Variants in PPP6R1 observed in about 807,000 individuals in gnomAD.
PPP6R1 encodes the protein serine/threonine-protein phosphatase 6 regulatory subunit 1.
PPP6R1 carries 39 observed loss-of-function variants against 104.6 expected under a neutral mutation model. The ratio of observed to expected loss-of-function variants is 0.37; its 90% CI spans 0.29 to 0.49. The LOEUF (loss-of-function observed/expected upper bound fraction) is 0.49. Ranked by LOEUF, PPP6R1 falls within the 20% of genes least tolerant of loss-of-function variation. PPP6R1 has a pLI of 0.98. For missense variants in PPP6R1, 1,181 were observed against 1,155.8 expected (o/e 1.02, Z -0.32); for synonymous variants, 549 against 479.0 (o/e 1.15, Z -1.91).
At chr19:55,251,889 T>C (rs1274843785) in intron 1 of PPP6R1, among the ~76,000 whole-genome samples, 1 of 152,130 alleles carries the variant, frequency 6.6e-6, no homozygotes. Flanking sequence ...ACTCTGCCAA[T>C]TTCCGGCCTA....
In PPP6R1 at chr19:55,241,528, G is replaced by A. The variant is rs1366255408; in HGVS notation, c.957C>T (p.Ala319=). Residue 319 remains alanine, a synonymous_variant, in exon 8 of 24, where the codon GCC becomes GCT. Coordinates refer to ENST00000412770, the MANE Select transcript of PPP6R1 (RefSeq NM_014931.4). The surrounding 1 kb of genome is among the most constrained non-coding windows in gnomAD (Gnocchi z 5.4). ...GGAAGCAGCTGAGCCGCGGGCGTAGGGCGTGCAAGGCGCCCACACTGGACA... is the reference window on the plus strand; with the variant it reads ...GGAAGCAGCTGAGCCGCGGGCGTAGAGCGTGCAAGGCGCCCACACTGGACA... The part of the protein sequence containing the change: ...STVSSVGALH[A]LRPRLSCFHQ... 1 of 1,581,396 alleles carries A rather than the reference G, an allele frequency of 6.3e-7. No individual in the cohort carries two copies. Among genetic ancestry groups the A allele is most frequent in the Admixed American group, 1.8e-5 (1 of 54,758 alleles).
Position 55,231,426 on chromosome 19 carries a change from G to A in PPP6R1, c.2443C>T (p.Pro815Ser), listed in dbSNP as rs367598507. The A allele has an allele frequency of 5.6e-5, 90 of 1,603,616 alleles. No homozygotes were observed. Among genetic ancestry groups the A allele is most frequent in the Non-Finnish European group, 7.3e-5 (86 of 1,175,774 alleles). ...QATFHGIRSAPSSSDSATRDP... is the reference protein window; with the variant it reads ...QATFHGIRSASSSSDSATRDP... ...GCTGCTCACCTGTCCGAGGAGCTGG[G>A]GGCAGAACGGATCCCGTGGAAGGTG... Residue 815 changes from proline to serine, a missense_variant, in exon 21 of 24, where the codon CCC becomes TCC. Around this residue, in one of 2 missense-constraint regions of PPP6R1, gnomAD observed 1,042 missense variants for 955.6 expected, o/e 1.09. Transcript: ENST00000412770.
intron 13 of PPP6R1, 70 bp downstream of exon 13, chr19:55,239,756 G>T: frequency 3.8e-6 from 6 of 1,589,668 alleles, no homozygotes; most frequent in Non-Finnish European, 5.2e-6. Flanking sequence ...ATCGGTGGCG[G>T]TGGGAGGCTA....
Position 55,230,697 on chromosome 19 carries a change from A to C in PPP6R1, c.2571-13T>G. 2 of 1,572,350 alleles carry C rather than the reference A, an allele frequency of 1.3e-6. No homozygotes were observed. Among genetic ancestry groups the C allele is most frequent in the Non-Finnish European group, 1.7e-6 (2 of 1,160,492 alleles). ...GAGGGCCTGGGCACTGTCAGGGGAG[A>C]GAGGGGATGTGCAGAGGTCACTTCC... On this transcript the variant is annotated splice_polypyrimidine_tract_variant and intron_variant, in intron 22 of 23. Coordinates refer to ENST00000412770, the MANE Select transcript of PPP6R1 (RefSeq NM_014931.4).
In PPP6R1 at chr19:55,231,799, C is replaced by A; in HGVS notation, c.2306+3G>T. On this transcript the variant is annotated splice_donor_region_variant and intron_variant, in intron 19 of 23. Coordinates refer to ENST00000412770, the MANE Select transcript of PPP6R1 (RefSeq NM_014931.4). ...CATTTAGCCCGTTCCATCCGGTTCTCACCTGAGCTGCAGGGCGTCACGGGC... is the reference window on the plus strand; with the variant it reads ...CATTTAGCCCGTTCCATCCGGTTCTAACCTGAGCTGCAGGGCGTCACGGGC... 6.7e-7 allele frequency: 1 copy of A among 1,499,716 alleles called. No homozygotes were observed. The highest frequency in any genetic ancestry group is 8.9e-7 in the Non-Finnish European group (1 of 1,125,516). 92.9% of individuals were successfully genotyped at this position (1,499,716 alleles called of 1,614,324 possible). A position where few individuals can be genotyped will look rare whatever the true frequency, so the allele number is the denominator to read the frequency against.
Position 55,237,843 on chromosome 19 carries a change from C to T in PPP6R1, c.1752-873G>A, listed in dbSNP as rs77180741. On this transcript the variant is annotated intron_variant, in intron 15 of 23. Transcript: ENST00000412770. ...CCTGGCTTCTGCTACAGGAGCTATG[C>T]GGGGCAGCATCTTCAGCCTTGAGAT... 4.3e-3 allele frequency among the ~76,000 whole-genome samples: 651 copies of T among 152,308 alleles called. 34 individuals carry two copies. In the East Asian group the frequency reaches 0.11, roughly 26 times the overall value.
intron 1 of PPP6R1, among the ~76,000 whole-genome samples, chr19:55,254,940 G>A (rs1385826017): frequency 2.0e-5 from 3 of 152,228 alleles, no homozygotes; most frequent in East Asian, 1.9e-4. Context: ...GGTGTGTGCC[G>A]GCTGCAGAAT....
intron 5 of PPP6R1, chr19:55,242,767 A>G: frequency 6.4e-6 from 3 of 467,572 alleles, no homozygotes; most frequent in Non-Finnish European, 1.2e-5. Flanking sequence ...AATGACCCAG[A>G]AGGCTCTGAC....
At chr19:55,228,364 TC>T, downstream of PPP6R1, 2 of 1,613,842 alleles carry the variant, frequency 1.2e-6, no homozygotes, top group South Asian at 2.2e-5. Context: ...CAGCTGGTCC[TC>T]GGGAATCCAG....
At chr19:55,237,895 T>G (rs190600840) in intron 15 of PPP6R1, among the ~76,000 whole-genome samples, 4 of 152,296 alleles carry the variant, frequency 2.6e-5, no homozygotes, top group African/African-American at 9.6e-5. Flanking sequence ...CACTTTCCAT[T>G]CCGGAAATCT....
At chr19:55,228,342 A>T, downstream of PPP6R1, 2 of 1,613,838 alleles carry the variant, frequency 1.2e-6, no homozygotes, top group Non-Finnish European at 8.5e-7. Context: ...TGACCAGGGC[A>T]GCGAACCAGG....
rs1235808876 is a variant in PPP6R1 at position 55,245,268 on chromosome 19, G to C, written c.549C>G (p.Val183=). 11 of 1,597,166 alleles carry C rather than the reference G, an allele frequency of 6.9e-6. No homozygotes were observed. The highest frequency in any genetic ancestry group is 1.3e-5 in the African/African-American group (1 of 74,594). The change falls in exon 4 of 24, where the codon GTC becomes GTG. Residue 183 remains valine, a synonymous_variant. Coordinates refer to ENST00000412770, the MANE Select transcript of PPP6R1 (RefSeq NM_014931.4). The surrounding 1 kb of genome is among the most constrained non-coding windows in gnomAD (Gnocchi z 6.4). ...VERPQLRQDV[V]NWLNEEKIVQ... ...CAGAGGAGCCGGCCCTGCTCACATT[G>C]ACAACATCCTGCCTCAGCTGAGGCC...
Position 55,258,520 on chromosome 19 carries a change from T to C in PPP6R1, c.-92A>G, listed in dbSNP as rs2087613264. The C allele has an allele frequency of 6.7e-6, 1 of 149,292 alleles. No homozygotes were observed. The highest frequency in any genetic ancestry group is 2.4e-5 in the African/African-American group (1 of 40,908). The allele number at this position is 149,292 out of a possible 1,614,324, so 9.2% of individuals were successfully genotyped here. ...CGCCGCCGGCGGCTCCGGCCCCTGC[T>C]GCGGGGCCCGGTGAGTGGGGGCGGG... On this transcript the variant is annotated 5_prime_UTR_variant, in exon 1 of 24. Transcript: ENST00000412770.
chr19:55,232,192 T>C lies in PPP6R1; in HGVS notation c.2008A>G (p.Ser670Gly). ...TCGTCCTCCTCTTCTTCGTCCTCAC[T>C]GTCTGTGCTGCCTCCACTCCTGCCC... Reference protein sequence around the residue: ...PGVRSGGSTDSEDEEEEDEEE... With the variant: ...PGVRSGGSTDGEDEEEEDEEE... The change falls in exon 18 of 24, where the codon AGT becomes GGT. Residue 670 changes from serine to glycine, a missense_variant. By Grantham distance (56) the Ser-to-Gly change is moderately conservative. Around this residue, in one of 2 missense-constraint regions of PPP6R1, gnomAD observed 1,042 missense variants for 955.6 expected, o/e 1.09. Coordinates refer to ENST00000412770, the MANE Select transcript of PPP6R1 (RefSeq NM_014931.4). The C allele has an allele frequency of 6.4e-7, 1 of 1,555,000 alleles. No individual in the cohort carries two copies. The highest frequency in any genetic ancestry group is 8.7e-7 in the Non-Finnish European group (1 of 1,149,038).
intron 17 of PPP6R1, among the ~76,000 whole-genome samples, chr19:55,235,089 G>A (rs544629109): frequency 1.1e-4 from 17 of 152,050 alleles, no homozygotes; most frequent in South Asian, 4.2e-4. Context: ...GCCTAATTCC[G>A]AAATCAAAAG....
intron 10 of PPP6R1, among the ~76,000 whole-genome samples, chr19:55,240,671 A>ACGTG (rs1568946527): frequency 3.3e-5 from 5 of 151,862 alleles, no homozygotes; most frequent in African/African-American, 1.2e-4. Context: ...TCACACACGC[A>ACGTG]CGTGTGCGCA....
rs2288513 is a variant in PPP6R1 at position 55,231,785 on chromosome 19, T to C, written c.2306+17A>G. Reference sequence around the variant, plus strand: ...CGGGATACCAGCACCATTTAGCCCGTTCCATCCGGTTCTCACCTGAGCTGC... The same window carrying C: ...CGGGATACCAGCACCATTTAGCCCGCTCCATCCGGTTCTCACCTGAGCTGC... On this transcript the variant is annotated intron_variant, in intron 19 of 23. Coordinates refer to ENST00000412770, the MANE Select transcript of PPP6R1 (RefSeq NM_014931.4). 0.1 allele frequency: 148,963 copies of C among 1,493,444 alleles called. 9,136 individuals are homozygous for C. The highest frequency in any genetic ancestry group is 0.24 in the African/African-American group (17,372 of 71,400). The allele number at this position is 1,493,444 out of a possible 1,614,324, so 92.5% of individuals were successfully genotyped here. A position where few individuals can be genotyped will look rare whatever the true frequency, so the allele number is the denominator to read the frequency against.
rs1288038800 is a variant in PPP6R1, at chr19:55,231,856, C to A, written c.2252G>T (p.Gly751Val). Residue 751 changes from glycine (G) to valine (V), a missense_variant, in exon 19 of 24, where the codon GGC (glycine) becomes GTC (valine). Around this residue, in one of 2 missense-constraint regions of PPP6R1, gnomAD observed 1,042 missense variants for 955.6 expected, o/e 1.09. Transcript: ENST00000412770. ...APQGPLSVPQ[G>V]LPTQSLASPP... ...GCTGGCCAGGCTCTGAGTGGGGAGG[C>A]CCTGGGGCACACTGAGGGGCCCCTG... The A allele has an allele frequency of 1.3e-6, 2 of 1,505,060 alleles. No homozygotes were observed. Among genetic ancestry groups the A allele is most frequent in the African/African-American group, 1.4e-5 (1 of 71,902 alleles). The allele number at this position is 1,505,060 out of a possible 1,614,324, so 93.2% of individuals were successfully genotyped here.
Position 55,240,250 on chromosome 19 carries a change from C to A in PPP6R1, c.1347G>T (p.Glu449Asp). 2 of 1,593,190 alleles carry A rather than the reference C, an allele frequency of 1.3e-6. No individual in the cohort carries two copies. Among genetic ancestry groups the A allele is most frequent in the Non-Finnish European group, 1.7e-6 (2 of 1,170,498 alleles). Residue 449 changes from glutamate (E) to aspartate (D), a missense_variant, in exon 11 of 24, where the codon GAG (glutamate) becomes GAT (aspartate). By Grantham distance (45) the Glu-to-Asp change is conservative. Transcript: ENST00000412770. The part of the protein sequence containing the change: ...LVERILTSWE[E>D]NDRVQCAGGP... ...CAGGTGCTCACTGTACACGGTCGTT[C>A]TCCTCCCAGGACGTCAGGATCCGCT...
Sources: allele counts gnomAD v4.1 joint callset (sites outside exome capture counted in the v4.1 genomes callset), GRCh38; gene constraint gnomAD v4.1.1; regional missense constraint gnomAD v4.1.1; non-coding constraint Gnocchi (gnomAD v3.1); transcripts MANE v1.5; gene names NCBI Gene and HGNC (gene_info 2026-07-23, HGNC 2026-07-21).